CFDP1: variants seen among roughly 807,000 people sequenced by gnomAD.
CFDP1 encodes heterochromatin-stabilizing protein CFDP1.
CFDP1 carries 31 observed loss-of-function variants against 40.1 expected under a neutral mutation model. The observed-to-expected ratio is 0.77, with a 90% CI of 0.58 to 1.04. The LOEUF is 1.04. Among genes scored for constraint, CFDP1 ranks in the 50% least tolerant of loss-of-function variants. CFDP1 has a pLI of 0.00. For missense variants in CFDP1, 423 were observed against 343.4 expected, an observed-to-expected ratio of 1.23 and a Z score of -1.83; for synonymous variants, 167 against 120.0, an observed-to-expected ratio of 1.39 and a Z score of -2.56.
chr16:75,402,201 C>G (rs2079061640), intron 4 of CFDP1, among the ~76,000 whole-genome samples: 1 of 152,124 alleles, frequency 6.6e-6, no homozygotes, highest in African/African-American at 2.4e-5. Context: ...AAATTATAGA[C>G]CACCTCTAAC....
rs745774792 is a variant in CFDP1 at position 75,303,400 on chromosome 16, A to AATAAATGT, written c.809+1623_809+1624insACATTTAT. Reference sequence around the variant, plus strand: ...AAATAAATAAATAAATAAATAAATAAATGTATGTATGTATGTATGTATGTA... The same window carrying AATAAATGT: ...AAATAAATAAATAAATAAATAAATAAATAAATGTATGTATGTATGTATGTATGTATGTA... On this transcript the variant is annotated intron_variant, in intron 6 of 6. Coordinates refer to ENST00000283882, the MANE Select transcript of CFDP1 (RefSeq NM_006324.3). Among the ~76,000 whole-genome samples, 280 of 146,218 alleles carry AATAAATGT rather than the reference A, an allele frequency of 1.9e-3. 2 individuals carry two copies. The highest frequency in any genetic ancestry group is 6.9e-3 in the African/African-American group (269 of 38,898).
rs1399982359 is a variant in CFDP1 at position 75,404,125 on chromosome 16, G to A, written c.530+7700C>T. Among the ~76,000 whole-genome samples the A allele has an allele frequency of 5.3e-5, 8 of 151,512 alleles. No individual in the cohort carries two copies. The South Asian group carries it at 1.3e-3, about 24-fold the overall frequency. On this transcript the variant is annotated intron_variant, in intron 4 of 6. Coordinates refer to ENST00000283882, the MANE Select transcript of CFDP1 (RefSeq NM_006324.3). ...CCAGCCTGGGCAACAGAGTAAGACC[G>A]TGTCTCAAAATAATAATAGTAATTA...
At position 75,433,463 on chromosome 16, in the gene CFDP1, C is replaced by T; in HGVS notation, c.-111G>A. The T allele has an allele frequency of 6.0e-6, 6 of 1,004,550 alleles. No individual in the cohort carries two copies. Among genetic ancestry groups the T allele is most frequent in the South Asian group, 2.8e-5 (2 of 71,898 alleles). 62.2% of individuals were successfully genotyped at this position (1,004,550 alleles called of 1,614,324 possible). On this transcript the variant is annotated 5_prime_UTR_variant, in exon 1 of 7. Transcript: ENST00000283882. ...CCGGCGGCGGCGACGGCAGCTAGGG[C>T]GGCCCCCGACAGCGCTTTGCACATG...
intron 5 of CFDP1, among the ~76,000 whole-genome samples, chr16:75,380,680 C>T (rs766921634): frequency 1.3e-5 from 2 of 152,086 alleles, no homozygotes; most frequent in South Asian, 2.1e-4. Flanking sequence ...GGCCTGCAAC[C>T]CACATAGATT....
In CFDP1 at chr16:75,412,774, G is replaced by A. The variant is rs1225278744; in HGVS notation, c.183-20C>T. ...CTCTTCCTAATCACCAGCAGTCACA[G>A]GAAAAAGGAAAGACAGCACAAAACG... On this transcript the variant is annotated intron_variant, in intron 2 of 6. Coordinates refer to ENST00000283882, the MANE Select transcript of CFDP1 (RefSeq NM_006324.3). 3 of 1,593,048 alleles carry A rather than the reference G, an allele frequency of 1.9e-6. No individual in the cohort carries two copies. In the Admixed American group the frequency reaches 5.0e-5, roughly 27 times the overall value.
At chr16:75,297,166 CTGTGTGTGTGTGTG>C (rs71158597) in intron 6 of CFDP1, among the ~76,000 whole-genome samples, 2 of 143,362 alleles carry the variant, frequency 1.4e-5, no homozygotes, top group East Asian at 2.1e-4. Context: ...GTGTGTGTGT[CTGTGTGTGTGTGTG>C]TGTGTGTGTG....
At chr16:75,327,295 G>C (rs1455461974) in intron 5 of CFDP1, among the ~76,000 whole-genome samples, 1 of 151,924 alleles carries the variant, frequency 6.6e-6, no homozygotes, top group Non-Finnish European at 1.5e-5. Context: ...AAAAACCAGG[G>C]GAATAAACCT....
intron 5 of CFDP1, among the ~76,000 whole-genome samples, chr16:75,329,981 T>G (rs1057174721): frequency 1.3e-5 from 2 of 152,156 alleles, no homozygotes; most frequent in Non-Finnish European, 1.5e-5. Context: ...TATTTTTTAG[T>G]GTTTTTCAGT....
intron 4 of CFDP1, among the ~76,000 whole-genome samples, chr16:75,404,463 C>T (rs1020714036): frequency 2.0e-5 from 3 of 151,944 alleles, no homozygotes; most frequent in African/African-American, 4.8e-5. Context: ...CCCCATGATC[C>T]GCCTGCCTCG....
intron 5 of CFDP1, among the ~76,000 whole-genome samples, chr16:75,323,518 C>T (rs556957477): frequency 3.3e-5 from 5 of 151,766 alleles, no homozygotes; most frequent in East Asian, 1.9e-4. Flanking sequence ...CAGTGGCTCA[C>T]GCCTGTAATC....
chr16:75,428,609 T>G (rs1193330812), intron 1 of CFDP1, among the ~76,000 whole-genome samples: 1 of 144,050 alleles, frequency 6.9e-6, no homozygotes. Context: ...AGAGCTATAC[T>G]CCATCTCAAA....
chr16:75,432,230 G>T (rs557698143), intron 1 of CFDP1, among the ~76,000 whole-genome samples: 3 of 149,838 alleles, frequency 2.0e-5, no homozygotes, highest in African/African-American at 7.3e-5. Context: ...AGTTTTCAAC[G>T]TGCCTTTTAG....
intron 5 of CFDP1, among the ~76,000 whole-genome samples, chr16:75,378,371 C>G (rs1811753140): frequency 6.6e-6 from 1 of 151,938 alleles, no homozygotes; most frequent in South Asian, 2.1e-4. Context: ...TTTTTGGGGT[C>G]AGCTACTTGC....
chr16:75,301,784 C>A (rs1327971592), intron 6 of CFDP1: 3 of 152,098 alleles, frequency 2.0e-5, no homozygotes, highest in Admixed American at 2.0e-4. Context: ...TTCAGCAGCT[C>A]TGTACAGAGG....
chr16:75,423,091 T>C (rs1303611966), intron 1 of CFDP1, among the ~76,000 whole-genome samples: 1 of 151,734 alleles, frequency 6.6e-6, no homozygotes, highest in Non-Finnish European at 1.5e-5. Context: ...CCATCCTGGC[T>C]AACACGGTGA....
At chr16:75,315,285 T>C (rs1261998581) in intron 5 of CFDP1, among the ~76,000 whole-genome samples, 1 of 116,452 alleles carries the variant, frequency 8.6e-6, no homozygotes, top group African/African-American at 3.4e-5. Context: ...TGAGCAGAGA[T>C]CATGCCACTA....
chr16:75,395,093 G>A lies in CFDP1; in HGVS notation c.647C>T (p.Ser216Leu), dbSNP rs146975317. The A allele has an allele frequency of 1.1e-5, 18 of 1,613,538 alleles. No individual in the cohort carries two copies. The African/African-American group carries it at 2.1e-4, about 19-fold the overall frequency. The change falls in exon 5 of 7, where the codon TCA (serine) becomes TTA (leucine). Residue 216 changes from serine (S) to leucine (L), a missense_variant. Transcript: ENST00000283882. ...PSALPSLPAG[S>L]GLKRSSGMSS... ...GGAGTGAGACTCAAATACTCACCCTGACCCGGCAGGGAGTGATGGCAGAGC... is the reference window on the plus strand; with the variant it reads ...GGAGTGAGACTCAAATACTCACCCTAACCCGGCAGGGAGTGATGGCAGAGC...
At chr16:75,356,619 A>C (rs918142848) in intron 5 of CFDP1, among the ~76,000 whole-genome samples, 3 of 152,228 alleles carry the variant, frequency 2.0e-5, no homozygotes, top group Non-Finnish European at 4.4e-5. Flanking sequence ...ATTAGCCCTT[A>C]GCAAAAGAGC....
chr16:75,424,739 G>A (rs1008014506), intron 1 of CFDP1, among the ~76,000 whole-genome samples: 2 of 136,812 alleles, frequency 1.5e-5, no homozygotes, highest in African/African-American at 5.6e-5. Flanking sequence ...CTGGGCAACA[G>A]AGGGAGACTC....
Sources: gnomAD v4.1 joint callset for allele counts (sites outside exome capture counted in the v4.1 genomes callset) on GRCh38, gnomAD v4.1.1 for gene constraint, MANE v1.5 for transcripts, NCBI Gene and HGNC (gene_info 2026-07-23, HGNC 2026-07-21) for gene names.